The following ERI1 variants were observed in gnomAD, a reference collection of about 807,000 sequenced individuals.
The protein encoded by ERI1 is 3'-5' exoribonuclease 1.
ERI1 carries 39 observed loss-of-function variants against 39.7 expected under a neutral mutation model. The observed-to-expected ratio is 0.98, with a 90% confidence interval of 0.76 to 1.28. The LOEUF is 1.28. Among genes scored for constraint, ERI1 ranks in the 50% most tolerant of loss-of-function variants. The probability of loss-of-function intolerance (pLI) is 0.00; values close to 1 mark genes in which losing one functional copy is unlikely to be tolerated. For synonymous variants in ERI1, 204 were observed against 149.6 expected, an observed-to-expected ratio of 1.36 and a Z score of -2.65; for missense variants, 581 against 416.9, an observed-to-expected ratio of 1.39 and a Z score of -3.43.
chr8:9,091,057 T>C, intron 3 of ERI1, among the ~76,000 whole-genome samples: 2 of 152,340 alleles, frequency 1.3e-5, no homozygotes, highest in Middle Eastern at 6.8e-3. Context: ...TCAACAGTCT[T>C]TATATTAACA....
At chr8:9,062,270 C>G (rs1798724994) in intron 3 of ERI1, among the ~76,000 whole-genome samples, 1 of 151,750 alleles carries the variant, frequency 6.6e-6, no homozygotes, top group Non-Finnish European at 1.5e-5. Context: ...GTAGAGGTAT[C>G]TTATACTTGT....
chr8:9,067,653 T>TAA lies in ERI1; in HGVS notation n.299+47205_299+47206dup, dbSNP rs573247378. On this transcript the variant is annotated intron_variant and non_coding_transcript_variant, in intron 3 of 3. Coordinates refer to the ERI1 transcript ENST00000518663. ...CTGAGCAACAGAGTGAGAACCTTTC[T>TAA]AAAAAAAAAAAAAAAAAGGTGACAA... Among the ~76,000 whole-genome samples the TAA allele has an allele frequency of 1.7e-3, 206 of 121,162 alleles. 1 individual carries two copies. Among genetic ancestry groups the TAA allele is most frequent in the South Asian group, 0.016 (63 of 3,916 alleles). 79.5% of individuals were successfully genotyped at this position (121,162 alleles called of 152,430 possible).
chr8:9,057,019 G>A (rs537798638), intron 3 of ERI1, among the ~76,000 whole-genome samples: 1 of 152,130 alleles, frequency 6.6e-6, no homozygotes, highest in Non-Finnish European at 1.5e-5. Flanking sequence ...TTTTTATAGA[G>A]GTGGGGTTTC....
rs1403481807 is a variant in ERI1, at chr8:9,026,662, C to G, written c.808-3130C>G. 2.6e-5 allele frequency among the ~76,000 whole-genome samples: 4 copies of G among 152,060 alleles called. No homozygotes were observed. In the East Asian group the frequency reaches 7.7e-4, roughly 29 times the overall value. On this transcript the variant is annotated intron_variant, in intron 6 of 6. Transcript: ENST00000250263. ...TCTGAAATGCTCCAAAAATCTGAAA[C>G]TTTCTGGGCACTGACATTGTACTCA...
At chr8:9,089,480 G>C (rs1322413344) in intron 3 of ERI1, among the ~76,000 whole-genome samples, 1 of 152,156 alleles carries the variant, frequency 6.6e-6, no homozygotes, top group East Asian at 1.9e-4. Context: ...GGTTTGCAAA[G>C]TATGTTCCAT....
intron 3 of ERI1, among the ~76,000 whole-genome samples, chr8:9,080,932 C>G (rs900377118): frequency 6.6e-6 from 1 of 152,164 alleles, no homozygotes; most frequent in Non-Finnish European, 1.5e-5. Context: ...ATTTATTAGT[C>G]CAGTCTCACA....
At chr8:9,070,268 A>G (rs1799007405) in intron 3 of ERI1, among the ~76,000 whole-genome samples, 1 of 151,946 alleles carries the variant, frequency 6.6e-6, no homozygotes, top group African/African-American at 2.4e-5. Context: ...AACCAAAACT[A>G]AAAAGACTAT....
chr8:9,020,156 C>T (rs1259449552), intron 5 of ERI1, among the ~76,000 whole-genome samples, 194 bp from the exon 6 acceptor site: 1 of 152,080 alleles, frequency 6.6e-6, no homozygotes, highest in Admixed American at 6.6e-5. Flanking sequence ...GTTAATATAT[C>T]CGACTTCTTT....
chr8:9,006,058 G>C (rs552803938), intron 1 of ERI1, among the ~76,000 whole-genome samples: 1 of 152,322 alleles, frequency 6.6e-6, no homozygotes, highest in South Asian at 2.1e-4. Flanking sequence ...TGTAGTTACT[G>C]GTACGGATGC....
chr8:9,095,505 T>TG (rs1801267181), intron 3 of ERI1, among the ~76,000 whole-genome samples: 1 of 151,418 alleles, frequency 6.6e-6, no homozygotes, highest in Non-Finnish European at 1.5e-5. Flanking sequence ...TTTGTTTGTT[T>TG]GTTTGTTTGT....
chr8:9,004,747 C>A (rs1201700841), intron 1 of ERI1, among the ~76,000 whole-genome samples: 1 of 74,310 alleles, frequency 1.3e-5, no homozygotes, highest in Non-Finnish European at 2.7e-5. Context: ...AGTGCAATGG[C>A]ATGGTCTCAG....
At chr8:9,016,442 G>C (rs1817298105) in intron 4 of ERI1, 37 bp downstream of exon 4, 4 of 1,347,610 alleles carry the variant, frequency 3.0e-6, no homozygotes, top group African/African-American at 1.5e-5. Context: ...GAGTTTGAAA[G>C]AGTTCTTGAA....
chr8:9,064,057 G>A (rs1798787749), intron 3 of ERI1, among the ~76,000 whole-genome samples: 3 of 151,902 alleles, frequency 2.0e-5, no homozygotes, highest in Admixed American at 1.3e-4. Flanking sequence ...AAGGGGTTGG[G>A]GCACAGAGAT....
Position 9,016,302 on chromosome 8 carries a change from T to G in ERI1, c.499-20T>G, listed in dbSNP as rs780628752. The G allele has an allele frequency of 5.9e-6, 9 of 1,526,376 alleles. No individual in the cohort carries two copies. Among genetic ancestry groups the G allele is most frequent in the Non-Finnish European group, 7.2e-6 (8 of 1,113,184 alleles). The allele number at this position is 1,526,376 out of a possible 1,614,324, so 94.6% of individuals were successfully genotyped here. Reference sequence around the variant, plus strand: ...CTTAACTCATATAAATTACTTTAACTTGCTATCCTTCCCTTGCAGGAAGAC... The same window carrying G: ...CTTAACTCATATAAATTACTTTAACGTGCTATCCTTCCCTTGCAGGAAGAC... On this transcript the variant is annotated intron_variant, in intron 3 of 6. Coordinates refer to ENST00000250263, the MANE Select transcript of ERI1 (RefSeq NM_153332.4).
intron 1 of ERI1, chr8:9,004,102 A>G (rs1313036626): frequency 7.8e-7 from 1 of 1,289,112 alleles, no homozygotes; most frequent in Non-Finnish European, 1.0e-6. Context: ...GTTCTTTGAC[A>G]TTGGAAAGAA....
At chr8:9,013,569 A>G (rs1334923648) in intron 3 of ERI1, among the ~76,000 whole-genome samples, 1 of 151,966 alleles carries the variant, frequency 6.6e-6, no homozygotes, top group Non-Finnish European at 1.5e-5. Context: ...CTTTCGCTTG[A>G]TGATCTTATC....
At chr8:9,091,757 C>T (rs909247236) in intron 3 of ERI1, among the ~76,000 whole-genome samples, 2 of 152,118 alleles carry the variant, frequency 1.3e-5, no homozygotes, top group Non-Finnish European at 2.9e-5. Flanking sequence ...ACAAATTATT[C>T]CCAGTTTCCA....
At chr8:9,038,726 G>C (rs932843388) in intron 3 of ERI1, among the ~76,000 whole-genome samples, 2 of 152,182 alleles carry the variant, frequency 1.3e-5, no homozygotes, top group Non-Finnish European at 2.9e-5. Context: ...TATTGTGACC[G>C]TAAGGATGTG....
At chr8:9,061,362 T>C (rs888212398) in intron 3 of ERI1, among the ~76,000 whole-genome samples, 1 of 152,046 alleles carries the variant, frequency 6.6e-6, no homozygotes, top group Non-Finnish European at 1.5e-5. Flanking sequence ...TGTGGGAGAC[T>C]CAACAAAGAG....
Sources: allele counts gnomAD v4.1 joint callset (sites outside exome capture counted in the v4.1 genomes callset), GRCh38; gene constraint gnomAD v4.1.1; transcripts MANE v1.5; gene names NCBI Gene and HGNC (gene_info 2026-07-23, HGNC 2026-07-21).